Variants in CSNK2A2 observed in about 807,000 individuals in gnomAD.
CSNK2A2 encodes the protein casein kinase II subunit alpha'.
CSNK2A2 carries 8 observed loss-of-function variants against 54.0 expected under a neutral mutation model. The ratio of observed to expected loss-of-function variants is 0.15; its 90% CI spans 0.09 to 0.27. The LOEUF is 0.27. Ranked by LOEUF, CSNK2A2 falls within the 10% of genes least tolerant of loss-of-function variation. The pLI, the probability that CSNK2A2 is intolerant of heterozygous loss-of-function variation, is 1.00. For missense variants in CSNK2A2, 242 were observed against 439.4 expected, an observed-to-expected ratio of 0.55 and a Z score of 4.02; for synonymous variants, 141 against 153.9, an observed-to-expected ratio of 0.92 and a Z score of 0.62.
intron 4 of CSNK2A2, among the ~76,000 whole-genome samples, chr16:58,178,017 T>C (rs1018021156): frequency 5.3e-5 from 8 of 152,198 alleles, no homozygotes; most frequent in Non-Finnish European, 8.8e-5. Context: ...CGACCTATAA[T>C]AACATACACG....
intron 2 of CSNK2A2, among the ~76,000 whole-genome samples, chr16:58,194,519 C>G (rs1413833568): frequency 6.6e-6 from 1 of 152,168 alleles, no homozygotes; most frequent in Non-Finnish European, 1.5e-5. Context: ...TTAGGCTGCA[C>G]TGTGAAAACA....
chr16:58,192,078 G>A (rs908859928), intron 2 of CSNK2A2, among the ~76,000 whole-genome samples: 2 of 152,162 alleles, frequency 1.3e-5, no homozygotes, highest in African/African-American at 4.8e-5. Flanking sequence ...TCTATCTATA[G>A]TTTATCTGAC....
intron 2 of CSNK2A2, 106 bp from the exon 3 acceptor site, chr16:58,186,962 C>T: frequency 1.2e-6 from 1 of 860,884 alleles, no homozygotes; most frequent in Non-Finnish European, 1.8e-6. Flanking sequence ...ATCTTGTACA[C>T]TCTGTTGTGT....
chr16:58,172,081 C>T (rs1263530756), intron 5 of CSNK2A2, among the ~76,000 whole-genome samples: 4 of 148,226 alleles, frequency 2.7e-5, no homozygotes, highest in Non-Finnish European at 5.9e-5. Context: ...CTTGGCCTCC[C>T]GAAGCATTGG....
chr16:58,166,577 T>C lies in CSNK2A2; in HGVS notation c.827+7A>G. Reference sequence around the variant, plus strand: ...GGTAAAGCACTCTCTCTCTCTCTCTTACTTACTGTCCCAGGATATCGTTGA... The same window carrying C: ...GGTAAAGCACTCTCTCTCTCTCTCTCACTTACTGTCCCAGGATATCGTTGA... On this transcript the variant is annotated splice_region_variant and intron_variant, in intron 9 of 11. Transcript: ENST00000262506. 2 of 1,574,322 alleles carry C rather than the reference T, an allele frequency of 1.3e-6. No individual in the cohort carries two copies. Among genetic ancestry groups the C allele is most frequent in the Non-Finnish European group, 1.7e-6 (2 of 1,144,288 alleles).
chr16:58,180,371 G>GT lies in CSNK2A2; in HGVS notation c.369+3888dup, dbSNP rs66464636. On this transcript the variant is annotated intron_variant, in intron 4 of 11. Coordinates refer to ENST00000262506, the MANE Select transcript of CSNK2A2 (RefSeq NM_001896.4). ...AAAGGATAACTACAGATACTCCAGA[G>GT]TTTTTTTTTTTTTTTGTGACCAGTC... Among the ~76,000 whole-genome samples the GT allele has an allele frequency of 8.8e-3, 1,240 of 141,052 alleles. 8 individuals carry two copies. Among genetic ancestry groups the GT allele is most frequent in the African/African-American group, 0.022 (840 of 38,810 alleles). The allele number at this position is 141,052 out of a possible 152,430, so 92.5% of individuals were successfully genotyped here.
At chr16:58,187,717 A>T (rs1432250501) in intron 2 of CSNK2A2, among the ~76,000 whole-genome samples, 3 of 152,270 alleles carry the variant, frequency 2.0e-5, no homozygotes, top group African/African-American at 7.2e-5. Flanking sequence ...TGTTATTTTC[A>T]TATTTTTAGT....
intron 10 of CSNK2A2, among the ~76,000 whole-genome samples, chr16:58,164,474 T>C (rs1961503335): frequency 6.6e-6 from 1 of 152,188 alleles, no homozygotes; most frequent in African/African-American, 2.4e-5. Flanking sequence ...TAACCCCTAA[T>C]TTCTTCAAAG....
At chr16:58,180,942 A>G (rs2142433877) in intron 4 of CSNK2A2, among the ~76,000 whole-genome samples, 1 of 152,334 alleles carries the variant, frequency 6.6e-6, no homozygotes, top group African/African-American at 2.4e-5. Context: ...GAACTAAATG[A>G]TTTTGTTTGT....
intron 4 of CSNK2A2, 129 bp downstream of exon 4, chr16:58,184,131 G>A (rs1567471027): frequency 1.5e-6 from 1 of 670,100 alleles, no homozygotes; most frequent in Non-Finnish European, 2.5e-6. Context: ...ATGCCTTAAG[G>A]AACCCAATTT....
intron 2 of CSNK2A2, among the ~76,000 whole-genome samples, chr16:58,188,971 T>A (rs1962261077): frequency 6.7e-6 from 1 of 150,288 alleles, no homozygotes; most frequent in Non-Finnish European, 1.5e-5. Flanking sequence ...TTTTTTTTTT[T>A]TTTGAGACGG....
Position 58,167,201 on chromosome 16 carries a change from G to A in CSNK2A2, c.726+6C>T. 6.3e-7 allele frequency: 1 copy of A among 1,597,734 alleles called. No homozygotes were observed. Among genetic ancestry groups the A allele is most frequent in the South Asian group, 1.1e-5 (1 of 88,286 alleles). ...AATAAATAAGAACCAGAAAGCATTT[G>A]CTCACCTGGTCATAGTTGTCCTGTC... On this transcript the variant is annotated splice_donor_region_variant and intron_variant, in intron 8 of 11. Transcript: ENST00000262506.
chr16:58,168,634 G>T lies in CSNK2A2; in HGVS notation c.489C>A (p.Val163=). ...CCTTTTTCTGTTGGTGATCTATCAT[G>T]ACATTGTGAGGTTTCACATCCCTGT... ...IMHRDVKPHN[V]MIDHQQKKLR... is the part of the protein sequence containing the mutation. The change falls in exon 6 of 12, where the codon GTC becomes GTA. Residue 163 remains valine, a synonymous_variant. Transcript: ENST00000262506. The T allele has an allele frequency of 6.2e-7, 1 of 1,613,880 alleles. No individual in the cohort carries two copies. Among genetic ancestry groups the T allele is most frequent in the Non-Finnish European group, 8.5e-7 (1 of 1,179,826 alleles).
chr16:58,165,857 G>C, intron 9 of CSNK2A2, 149 bp from the exon 10 acceptor site: 1 of 745,198 alleles, frequency 1.3e-6, no homozygotes, highest in South Asian at 2.2e-5. Flanking sequence ...CGGCCCCATA[G>C]TTACAGCATA....
intron 5 of CSNK2A2, among the ~76,000 whole-genome samples, chr16:58,171,352 G>A (rs879410803): frequency 6.6e-6 from 1 of 151,912 alleles, no homozygotes; most frequent in Non-Finnish European, 1.5e-5. Context: ...GTGAAACCCC[G>A]TTTCTACTAA....
intron 2 of CSNK2A2, chr16:58,192,590 T>TG (rs1157647693): frequency 1.3e-5 from 2 of 152,228 alleles, no homozygotes; most frequent in Non-Finnish European, 2.9e-5. Context: ...CGAGGACTCT[T>TG]GGATTCCACA....
chr16:58,179,147 G>GT (rs1961957738), intron 4 of CSNK2A2, among the ~76,000 whole-genome samples: 1 of 152,142 alleles, frequency 6.6e-6, no homozygotes. Context: ...TACAAGTGAC[G>GT]TATCATAATG....
chr16:58,178,171 A>G (rs1300081976), intron 4 of CSNK2A2, among the ~76,000 whole-genome samples: 3 of 152,168 alleles, frequency 2.0e-5, no homozygotes, highest in Admixed American at 6.5e-5. Context: ...AATCCTCCAA[A>G]TATCAATATG....
At chr16:58,179,162 C>T (rs1261402317) in intron 4 of CSNK2A2, among the ~76,000 whole-genome samples, 3 of 152,054 alleles carry the variant, frequency 2.0e-5, no homozygotes, top group African/African-American at 7.2e-5. Flanking sequence ...ATAATGATGT[C>T]TGCAACTTAA....
Sources: gnomAD v4.1 joint callset for allele counts (sites outside exome capture counted in the v4.1 genomes callset) on GRCh38, gnomAD v4.1.1 for gene constraint, MANE v1.5 for transcripts, NCBI Gene and HGNC (gene_info 2026-07-23, HGNC 2026-07-21) for gene names.